The following ZNF527 variants were observed in gnomAD, a reference collection of about 807,000 sequenced individuals.
ZNF527 encodes zinc finger protein 527.
Under a neutral mutation model 13.5 loss-of-function variants are expected in ZNF527, and 5 were observed. The observed-to-expected ratio is 0.37, with a 90% CI of 0.19 to 0.78. The LOEUF (loss-of-function observed/expected upper bound fraction) is 0.78. Ranked by LOEUF, ZNF527 falls within the 30% of genes least tolerant of loss-of-function variation. ZNF527 has a pLI of 0.48. For missense variants in ZNF527, 628 were observed against 726.4 expected (o/e 0.86, Z 1.56); for synonymous variants, 209 against 243.1 (o/e 0.86, Z 1.30).
intron 2 of ZNF527, among the ~76,000 whole-genome samples, chr19:37,376,682 C>CAAA (rs35179002): frequency 5.4e-4 from 26 of 48,410 alleles, no homozygotes; most frequent in South Asian, 8.6e-4. Flanking sequence ...ACTCCATCTC[C>CAAA]AAAAAAAAAA....
Position 37,389,333 on chromosome 19 carries a change from C to A in ZNF527, c.1284C>A (p.Ala428=). Residue 428 remains alanine (A), a synonymous_variant, in exon 5 of 5, where the codon GCC becomes GCA. Coordinates refer to ENST00000436120, the MANE Select transcript of ZNF527 (RefSeq NM_032453.2). The stretch of plus-strand genomic sequence containing the variant: ...GAAAAGCCTTCAGCAGACGCATAGC[C>A]CTTACTCTACATCAAAGAATTCACA... ...QCGKAFSRRI[A]LTLHQRIHTG... 6.2e-7 allele frequency: 1 copy of A among 1,613,804 alleles called. No individual in the cohort carries two copies. Among genetic ancestry groups the A allele is most frequent in the Non-Finnish European group, 8.5e-7 (1 of 1,179,948 alleles).
chr19:37,375,860 C>G (rs1224329337), intron 2 of ZNF527, among the ~76,000 whole-genome samples: 4 of 152,050 alleles, frequency 2.6e-5, no homozygotes, highest in African/African-American at 9.7e-5. Context: ...TTCTGGAAGC[C>G]AAGAGGAGAA....
intron 4 of ZNF527, among the ~76,000 whole-genome samples, chr19:37,385,846 A>G (rs555329146): frequency 6.6e-6 from 1 of 152,262 alleles, no homozygotes; most frequent in South Asian, 2.1e-4. Context: ...ATCTCAACTC[A>G]CTGCCTTCAC....
At chr19:37,381,003 C>T (rs1343896933) in intron 4 of ZNF527, among the ~76,000 whole-genome samples, 1 of 152,086 alleles carries the variant, frequency 6.6e-6, no homozygotes, top group African/African-American at 2.4e-5. Flanking sequence ...TCTCCTGAAT[C>T]CAACACATAA....
At chr19:37,380,715 T>C (rs189607668) in intron 4 of ZNF527, among the ~76,000 whole-genome samples, 20 of 152,302 alleles carry the variant, frequency 1.3e-4, no homozygotes, top group East Asian at 5.8e-4. Context: ...GTAGTAGTAT[T>C]AGGTTGGTGC....
At chr19:37,375,367 CT>C (rs747311868) in intron 2 of ZNF527, among the ~76,000 whole-genome samples, 27 of 81,374 alleles carry the variant, frequency 3.3e-4, no homozygotes, top group African/African-American at 8.5e-4. Context: ...CTTTTCTTTT[CT>C]TTTTTTTTTT....
Position 37,389,238 on chromosome 19 carries a change from C to G in ZNF527, c.1189C>G (p.Gln397Glu). ...ECKECNKAFRQSAHLNQHQRI... is the reference protein window; with the variant it reads ...ECKECNKAFRESAHLNQHQRI... ...TAAAGAATGTAATAAAGCCTTCAGACAGAGTGCTCACCTTAATCAACATCA... is the reference window on the plus strand; with the variant it reads ...TAAAGAATGTAATAAAGCCTTCAGAGAGAGTGCTCACCTTAATCAACATCA... The change falls in exon 5 of 5, where the codon CAG (glutamine) becomes GAG (glutamate). Residue 397 changes from glutamine to glutamate, a missense_variant. Physicochemically the swap from Gln to Glu is conservative, Grantham distance 29. Transcript: ENST00000436120. 2 of 1,614,164 alleles carry G rather than the reference C, an allele frequency of 1.2e-6. No individual in the cohort carries two copies. Among genetic ancestry groups the G allele is most frequent in the African/African-American group, 2.7e-5 (2 of 75,060 alleles).
At position 37,389,987 on chromosome 19, in the gene ZNF527, TC is replaced by T. The variant is rs1243392592; in HGVS notation, c.*109del. 6 of 1,381,152 alleles carry T rather than the reference TC, an allele frequency of 4.3e-6. No homozygotes were observed. Among genetic ancestry groups the T allele is most frequent in the African/African-American group, 4.3e-5 (3 of 69,096 alleles). The allele number at this position is 1,381,152 out of a possible 1,614,324, so 85.6% of individuals were successfully genotyped here. ...CTTTGAATGTAGTTCATATTTCAGT[TC>T]ATGAGTATCCGTTATTTGAAGTAGC... is the stretch of plus-strand genomic sequence containing the variant. On this transcript the variant is annotated 3_prime_UTR_variant, in exon 5 of 5. Coordinates refer to ENST00000436120, the MANE Select transcript of ZNF527 (RefSeq NM_032453.2).
intron 2 of ZNF527, among the ~76,000 whole-genome samples, chr19:37,377,763 G>C (rs2040620048): frequency 6.6e-6 from 1 of 152,070 alleles, no homozygotes; most frequent in African/African-American, 2.4e-5. Context: ...AGACCACCCA[G>C]GGTGGGACTC....
rs764965470 is a variant in ZNF527 at position 37,385,048 on chromosome 19, A to G, written c.257-3258A>G. On this transcript the variant is annotated intron_variant, in intron 4 of 4. Transcript: ENST00000436120. The stretch of plus-strand genomic sequence containing the variant: ...ACTGTGTTGCCCAGGCTGGTCTAGC[A>G]CTCCTGGGCTCAAGCGATCCTCCCA... The G allele has an allele frequency of 5.2e-4, 333 of 637,646 alleles. 1 individual carries two copies. The highest frequency in any genetic ancestry group is 8.2e-4 in the Non-Finnish European group (284 of 346,210). 39.5% of individuals were successfully genotyped at this position (637,646 alleles called of 1,614,324 possible).
chr19:37,373,769 G>A (rs141247099), intron 1 of ZNF527, among the ~76,000 whole-genome samples: 85 of 152,270 alleles, frequency 5.6e-4, no homozygotes, highest in Admixed American at 5.1e-3. Flanking sequence ...GGTTCCAGAC[G>A]GAAGGAAAAG....
chr19:37,389,691 C>T lies in ZNF527; in HGVS notation c.1642C>T (p.His548Tyr), dbSNP rs1464630440. The change falls in exon 5 of 5, where the codon CAT (histidine) becomes TAT (tyrosine). Residue 548 changes from histidine (H) to tyrosine (Y), a missense_variant. Around this residue, in one of 3 missense-constraint regions of ZNF527, gnomAD observed 592 missense variants for 678.0 expected, o/e 0.87. Coordinates refer to ENST00000436120, the MANE Select transcript of ZNF527 (RefSeq NM_032453.2). ...GSYLNQHQRI[H>Y]TGEKPYECSE... ...ATATCTTAATCAACATCAAAGAATT[C>T]ATACTGGAGAGAAACCCTATGAATG... 8.1e-6 allele frequency: 13 copies of T among 1,614,068 alleles called. No individual in the cohort carries two copies. Among genetic ancestry groups the T allele is most frequent in the African/African-American group, 1.3e-5 (1 of 75,038 alleles).
chr19:37,373,238 A>T (rs530434475), intron 1 of ZNF527, among the ~76,000 whole-genome samples: 110 of 152,152 alleles, frequency 7.2e-4, no homozygotes, highest in African/African-American at 2.3e-3. Context: ...TGTGTGTGTG[A>T]GAGAGAGAGA....
chr19:37,384,280 G>A (rs936814816), intron 4 of ZNF527, among the ~76,000 whole-genome samples: 5 of 152,140 alleles, frequency 3.3e-5, no homozygotes, highest in African/African-American at 9.6e-5. Context: ...ATCGCGCCAC[G>A]GCACTTCAGC....
At chr19:37,388,250 TTTC>T in intron 4 of ZNF527, 53 bp from the exon 5 acceptor site, 1 of 1,561,626 alleles carries the variant, frequency 6.4e-7, no homozygotes, top group Non-Finnish European at 8.6e-7. Flanking sequence ...CTCTAACAAT[TTTC>T]TTCCTCATAG....
At chr19:37,374,878 C>T (rs1403580093) in intron 2 of ZNF527, among the ~76,000 whole-genome samples, 1 of 152,116 alleles carries the variant, frequency 6.6e-6, no homozygotes, top group African/African-American at 2.4e-5. Context: ...CAGGTGGAAG[C>T]AGAGAGGCCA....
rs760938058 is a variant in ZNF527, at chr19:37,388,708, T to C, written c.659T>C (p.Ile220Thr). Reference protein sequence around the residue: ...KRLHAEKESLIGNECEEFNQS... With the variant: ...KRLHAEKESLTGNECEEFNQS... ...CTCCATGCTGAGAAGGAATCTTTGA[T>C]AGGTAATGAATGTGAAGAATTCAAC... Residue 220 changes from isoleucine to threonine, a missense_variant, in exon 5 of 5, where the codon ATA becomes ACA. This residue lies in a region of ZNF527 where 592 missense variants were observed against 678.0 expected (regional missense o/e 0.87). Transcript: ENST00000436120. 1.2e-6 allele frequency: 2 copies of C among 1,611,860 alleles called. No individual in the cohort carries two copies. Among genetic ancestry groups the C allele is most frequent in the Admixed American group, 3.4e-5 (2 of 59,524 alleles).
chr19:37,377,222 A>C (rs935879480), intron 2 of ZNF527, among the ~76,000 whole-genome samples: 1 of 152,194 alleles, frequency 6.6e-6, no homozygotes, highest in Non-Finnish European at 1.5e-5. Flanking sequence ...AGTTGGTAGT[A>C]AAAGGGAGAG....
chr19:37,380,120 T>A, intron 3 of ZNF527, 157 bp from the exon 4 acceptor site: 1 of 1,374,184 alleles, frequency 7.3e-7, no homozygotes, highest in Non-Finnish European at 9.5e-7. Context: ...TCCTCATCCA[T>A]ACAAGCGTCA....
Sources: allele counts gnomAD v4.1 joint callset (sites outside exome capture counted in the v4.1 genomes callset), GRCh38; gene constraint gnomAD v4.1.1; regional missense constraint gnomAD v4.1.1; transcripts MANE v1.5; gene names NCBI Gene and HGNC (gene_info 2026-07-23, HGNC 2026-07-21).